LRFN5: variants seen among roughly 807,000 people sequenced by gnomAD.
LRFN5 encodes the protein leucine rich repeat and fibronectin type III domain containing 5.
LRFN5 carries 24 observed loss-of-function variants against 45.6 expected under a neutral mutation model. That is an observed-to-expected ratio of 0.53 (90% confidence interval 0.38 to 0.74). The LOEUF is 0.74. Among genes scored for constraint, LRFN5 ranks in the 30% least tolerant of loss-of-function variants. The pLI is 0.00. For missense variants in LRFN5, 776 were observed against 861.5 expected (o/e 0.90, Z 1.24); for synonymous variants, 340 against 313.8 (o/e 1.08, Z -0.88).
intron 2 of LRFN5, among the ~76,000 whole-genome samples, chr14:41,842,194 A>G (rs1277185970): frequency 6.6e-6 from 1 of 152,094 alleles, no homozygotes; most frequent in Non-Finnish European, 1.5e-5. Flanking sequence ...AAACCTAAAC[A>G]TCTGTTGCAT....
chr14:41,732,550 G>A (rs1019585397), intron 1 of LRFN5, among the ~76,000 whole-genome samples: 13 of 151,970 alleles, frequency 8.6e-5, no homozygotes, highest in African/African-American at 2.4e-4. Context: ...CATTTCAGGC[G>A]AACTCTGCAA....
At chr14:41,804,107 G>A (rs1322120534) in intron 2 of LRFN5, among the ~76,000 whole-genome samples, 5 of 152,008 alleles carry the variant, frequency 3.3e-5, no homozygotes, top group African/African-American at 1.2e-4. Flanking sequence ...CAAGTGATCC[G>A]CCCAAAGCCT....
chr14:41,747,347 A>G (rs1333923751), intron 1 of LRFN5, among the ~76,000 whole-genome samples: 1 of 151,626 alleles, frequency 6.6e-6, no homozygotes, highest in Non-Finnish European at 1.5e-5. Context: ...ATATATACCT[A>G]TGAAATGGAA....
At chr14:41,808,060 C>T (rs933364985) in intron 2 of LRFN5, among the ~76,000 whole-genome samples, 2 of 150,066 alleles carry the variant, frequency 1.3e-5, no homozygotes, top group Non-Finnish European at 3.0e-5. Flanking sequence ...GACAAGCTAA[C>T]CCCCAGGATT....
chr14:41,706,211 C>T (rs954677406), intron 1 of LRFN5, among the ~76,000 whole-genome samples: 20 of 152,080 alleles, frequency 1.3e-4, no homozygotes, highest in Admixed American at 9.8e-4. Flanking sequence ...AGCGATTATC[C>T]CACCTCAGCC....
chr14:41,755,363 G>C (rs1885326665), intron 1 of LRFN5, among the ~76,000 whole-genome samples: 1 of 151,998 alleles, frequency 6.6e-6, no homozygotes, highest in African/African-American at 2.4e-5. Context: ...TTGACAGTGG[G>C]GTGTTAAAGT....
At chr14:41,633,522 A>G (rs1888621392) in intron 1 of LRFN5, among the ~76,000 whole-genome samples, 1 of 152,174 alleles carries the variant, frequency 6.6e-6, no homozygotes, top group Admixed American at 6.5e-5. Flanking sequence ...AACATGGGCC[A>G]GTGTTTAGTG....
chr14:41,619,758 T>C (rs547669536), intron 1 of LRFN5, among the ~76,000 whole-genome samples: 1 of 152,118 alleles, frequency 6.6e-6, no homozygotes, highest in South Asian at 2.1e-4. Flanking sequence ...GCATATACTA[T>C]GTGTATTATA....
intron 2 of LRFN5, among the ~76,000 whole-genome samples, chr14:41,848,680 G>T (rs1401431863): frequency 3.3e-5 from 5 of 152,002 alleles, no homozygotes; most frequent in Middle Eastern, 3.2e-3. Flanking sequence ...AGAATTGGAA[G>T]CTTATGAAAC....
rs777812215 is a variant in LRFN5 at position 41,891,842 on chromosome 14, G to A, written c.1978G>A (p.Val660Ile). ...AAGTACAGAACCACAGAATGAAGCC[G>A]TCACAAATGTTGAATCCCAAAACAC... is the stretch of plus-strand genomic sequence containing the variant. Reference protein sequence around the residue: ...KPSTEPQNEAVTNVESQNTNR... With the variant: ...KPSTEPQNEAITNVESQNTNR... The change falls in exon 4 of 6, where the codon GTC (valine) becomes ATC (isoleucine). Residue 660 changes from valine to isoleucine, a missense_variant. By Grantham distance (29) the Val-to-Ile change is conservative (BLOSUM62 3). This residue lies in a region of LRFN5 where 465 missense variants were observed against 456.4 expected (regional missense o/e 1.02). Coordinates refer to ENST00000298119, the MANE Select transcript of LRFN5 (RefSeq NM_152447.5). 1.2e-6 allele frequency: 2 copies of A among 1,614,156 alleles called. No homozygotes were observed. Among genetic ancestry groups the A allele is most frequent in the South Asian group, 1.1e-5 (1 of 91,082 alleles).
intron 1 of LRFN5, among the ~76,000 whole-genome samples, chr14:41,681,898 A>T (rs1206509077): frequency 6.7e-6 from 1 of 149,448 alleles, no homozygotes; most frequent in African/African-American, 2.5e-5. Flanking sequence ...TGCTCTCTGT[A>T]ACCTCTGCCT....
intron 1 of LRFN5, among the ~76,000 whole-genome samples, chr14:41,663,821 G>C (rs746932711): frequency 1.3e-4 from 20 of 151,768 alleles, no homozygotes; most frequent in Non-Finnish European, 1.0e-4. Flanking sequence ...CTAGTTTCAG[G>C]AGAAAAATAT....
At chr14:41,803,053 G>C (rs1023811732) in intron 2 of LRFN5, among the ~76,000 whole-genome samples, 18 of 152,022 alleles carry the variant, frequency 1.2e-4, no homozygotes, top group African/African-American at 4.1e-4. Flanking sequence ...TGAAGCTCTT[G>C]ACCTATACCT....
intron 5 of LRFN5, among the ~76,000 whole-genome samples, chr14:41,902,869 T>C (rs1486464458): frequency 6.6e-6 from 1 of 151,624 alleles, no homozygotes; most frequent in Non-Finnish European, 1.5e-5. Context: ...ATTTTCAATT[T>C]TACCAATATG....
intron 2 of LRFN5, among the ~76,000 whole-genome samples, chr14:41,806,157 C>T (rs1410061439): frequency 6.6e-6 from 1 of 152,162 alleles, no homozygotes; most frequent in Non-Finnish European, 1.5e-5. Context: ...ATTAGACGTT[C>T]AGGAGTCTGA....
intron 1 of LRFN5, among the ~76,000 whole-genome samples, chr14:41,678,688 A>C (rs1424614151): frequency 3.9e-5 from 6 of 152,206 alleles, no homozygotes; most frequent in Non-Finnish European, 2.9e-5. Context: ...GAGGCAGAGC[A>C]AGATGTCTGA....
rs557908776 is a variant in LRFN5, at chr14:41,706,753, A to T, written c.-196-60101A>T. Among the ~76,000 whole-genome samples, 10 of 152,174 alleles carry T rather than the reference A, an allele frequency of 6.6e-5. No individual in the cohort carries two copies. The East Asian group carries it at 1.5e-3, about 24-fold the overall frequency. ...TCATATGAATATTTTTCCTTTTGTT[A>T]AGTAGAGCTAGATTTAGTTGCATTA... On this transcript the variant is annotated intron_variant, in intron 1 of 5. Transcript: ENST00000298119.
At chr14:41,882,379 G>C (rs1890410655) in intron 2 of LRFN5, among the ~76,000 whole-genome samples, 1 of 152,036 alleles carries the variant, frequency 6.6e-6, no homozygotes. Flanking sequence ...GAAATGAAGG[G>C]GACTGAGCTC....
At chr14:41,673,272 T>G (rs1881328932) in intron 1 of LRFN5, among the ~76,000 whole-genome samples, 1 of 151,568 alleles carries the variant, frequency 6.6e-6, no homozygotes, top group Non-Finnish European at 1.5e-5. Flanking sequence ...GAGGGGCTCC[T>G]CACTTCCCAG....
Sources: gnomAD v4.1 joint callset for allele counts (sites outside exome capture counted in the v4.1 genomes callset) on GRCh38, gnomAD v4.1.1 for gene constraint, gnomAD v4.1.1 regional missense constraint, MANE v1.5 for transcripts, NCBI Gene and HGNC (gene_info 2026-07-23, HGNC 2026-07-21) for gene names.